ZC3H3: variants seen among roughly 807,000 people sequenced by gnomAD.
ZC3H3 encodes the protein zinc finger CCCH domain-containing protein 3.
Under a neutral mutation model 77.3 loss-of-function variants are expected in ZC3H3, and 36 were observed. The observed-to-expected ratio is 0.47, with a 90% CI of 0.36 to 0.61. ZC3H3 has a LOEUF of 0.61. Among genes scored for constraint, ZC3H3 ranks in the 20% least tolerant of loss-of-function variants. The pLI is 0.00. For missense variants in ZC3H3, 1,331 were observed against 1,312.2 expected, an observed-to-expected ratio of 1.01 and a Z score of -0.22; for synonymous variants, 626 against 555.2, an observed-to-expected ratio of 1.13 and a Z score of -1.79.
At chr8:143,447,762 CAG>C (rs1819896000) in intron 9 of ZC3H3, among the ~76,000 whole-genome samples, 1 of 152,132 alleles carries the variant, frequency 6.6e-6, no homozygotes, top group Non-Finnish European at 1.5e-5. Flanking sequence ...GCAGATGCTA[CAG>C]ACTTTTAACT....
chr8:143,473,964 A>G (rs1337942644), intron 5 of ZC3H3, among the ~76,000 whole-genome samples: 1 of 152,112 alleles, frequency 6.6e-6, no homozygotes, highest in Non-Finnish European at 1.5e-5. Flanking sequence ...CCCACAGGCC[A>G]CCAAGCTCCA....
intron 5 of ZC3H3, among the ~76,000 whole-genome samples, chr8:143,474,942 G>A (rs1268941733): frequency 3.9e-5 from 6 of 152,204 alleles, no homozygotes; most frequent in Non-Finnish European, 7.4e-5. Context: ...GCGCTCGCCC[G>A]GGCGTGTTTG....
intron 5 of ZC3H3, among the ~76,000 whole-genome samples, chr8:143,469,604 C>T (rs1339725632): frequency 1.3e-5 from 2 of 152,296 alleles, no homozygotes; most frequent in Middle Eastern, 3.4e-3. Context: ...CCTGGGAGTG[C>T]GGTGGTGGCA....
At chr8:143,495,025 G>A (rs1821308778) in intron 4 of ZC3H3, among the ~76,000 whole-genome samples, 1 of 152,294 alleles carries the variant, frequency 6.6e-6, no homozygotes, top group South Asian at 2.1e-4. Context: ...CGGCACGCTG[G>A]AAAGCAGTTT....
Position 143,533,368 on chromosome 8 carries a change from G to C in ZC3H3, c.1561+2889C>G, listed in dbSNP as rs972772388. The stretch of plus-strand genomic sequence containing the variant: ...CCTCCTCAGAGAAGCCCTCCCACTC[G>C]CCAACCACCTCTCTGCAGCTGGCCC... On this transcript the variant is annotated intron_variant, in intron 3 of 11. Transcript: ENST00000262577. This position sits in a 1 kb window ranked among gnomAD's most constrained non-coding sequence, Gnocchi z 4.0. 1.3e-5 allele frequency among the ~76,000 whole-genome samples: 2 copies of C among 151,954 alleles called. No individual in the cohort carries two copies. Among genetic ancestry groups the C allele is most frequent in the African/African-American group, 2.4e-5 (1 of 41,374 alleles).
At chr8:143,438,710 C>G (rs1212759416) in intron 11 of ZC3H3, among the ~76,000 whole-genome samples, 1 of 152,228 alleles carries the variant, frequency 6.6e-6, no homozygotes, top group Non-Finnish European at 1.5e-5. Context: ...CAGATCTCCC[C>G]TCCAGACCAC....
At chr8:143,448,810 C>A (rs1363340975) in intron 9 of ZC3H3, among the ~76,000 whole-genome samples, 1 of 152,258 alleles carries the variant, frequency 6.6e-6, no homozygotes. Flanking sequence ...AGCAGAAGTT[C>A]TCTATGAGGG....
At position 143,536,254 on chromosome 8, in the gene ZC3H3, T is replaced by G; in HGVS notation, c.1561+3A>C. ...GTGCCCAGCGCCCCTGCTCCCAGCA[T>G]ACCTTCCTTGGTGGGGAGGTGGGCC... On this transcript the variant is annotated splice_donor_region_variant and intron_variant, in intron 3 of 11. Coordinates refer to ENST00000262577, the MANE Select transcript of ZC3H3 (RefSeq NM_015117.3). The G allele has an allele frequency of 6.2e-7, 1 of 1,609,756 alleles. No homozygotes were observed. The highest frequency in any genetic ancestry group is 8.5e-7 in the Non-Finnish European group (1 of 1,179,292).
intron 4 of ZC3H3, among the ~76,000 whole-genome samples, chr8:143,504,202 C>T (rs112150918): frequency 0.018 from 2,681 of 152,314 alleles, 84 homozygotes; most frequent in African/African-American, 0.061. Context: ...GGCTCTCCAA[C>T]CGAAAGCTGA....
At chr8:143,518,715 A>ACG (rs1822142758) in intron 3 of ZC3H3, among the ~76,000 whole-genome samples, 1 of 152,188 alleles carries the variant, frequency 6.6e-6, no homozygotes, top group African/African-American at 2.4e-5. Flanking sequence ...TGGAGATGGC[A>ACG]CGTGGGAGCC....
At chr8:143,472,301 A>G (rs1820589430) in intron 5 of ZC3H3, among the ~76,000 whole-genome samples, 1 of 152,252 alleles carries the variant, frequency 6.6e-6, no homozygotes, top group South Asian at 2.1e-4. Context: ...CAACGGAGGC[A>G]GAGGCCAGTC....
intron 5 of ZC3H3, among the ~76,000 whole-genome samples, chr8:143,471,295 C>T (rs11136296): frequency 0.23 from 35,640 of 152,252 alleles, 4,656 homozygotes; most frequent in East Asian, 0.43. Context: ...AGAAGGCAGC[C>T]AGCGGCAGAG....
intron 4 of ZC3H3, among the ~76,000 whole-genome samples, chr8:143,483,620 G>A (rs532074562): frequency 3.3e-5 from 5 of 152,306 alleles, no homozygotes; most frequent in Non-Finnish European, 5.9e-5. Flanking sequence ...CTGCCCCCAC[G>A]ATCTCAGGGG....
intron 9 of ZC3H3, among the ~76,000 whole-genome samples, chr8:143,446,238 G>A (rs1470819133): frequency 6.6e-6 from 1 of 152,222 alleles, no homozygotes; most frequent in Non-Finnish European, 1.5e-5. Context: ...AGAGGCAACT[G>A]AGCACAATCT....
chr8:143,439,518 G>A (rs1337692272), intron 11 of ZC3H3, among the ~76,000 whole-genome samples: 4 of 152,216 alleles, frequency 2.6e-5, no homozygotes, highest in Non-Finnish European at 5.9e-5. Context: ...GCTGAGTGGA[G>A]CCATTTACCA....
At chr8:143,482,762 A>G (rs1197031499) in intron 4 of ZC3H3, among the ~76,000 whole-genome samples, 1 of 152,206 alleles carries the variant, frequency 6.6e-6, no homozygotes, top group Non-Finnish European at 1.5e-5. Context: ...CAAGGCTGCT[A>G]CGGACGTGAC....
At chr8:143,532,070 G>A (rs1411193304) in intron 3 of ZC3H3, among the ~76,000 whole-genome samples, 1 of 152,232 alleles carries the variant, frequency 6.6e-6, no homozygotes, top group Non-Finnish European at 1.5e-5. Context: ...TAGCCTTTTG[G>A]TTATTTAAAA....
At chr8:143,451,529 C>T (rs371427626) in intron 9 of ZC3H3, among the ~76,000 whole-genome samples, 1 of 152,000 alleles carries the variant, frequency 6.6e-6, no homozygotes. Flanking sequence ...AGAAGTAGGC[C>T]GGGCACGGTG....
chr8:143,438,411 T>C (rs761993746), intron 11 of ZC3H3, among the ~76,000 whole-genome samples: 48 of 152,132 alleles, frequency 3.2e-4, no homozygotes, highest in Non-Finnish European at 4.4e-4. Flanking sequence ...GGCCACAAGG[T>C]CTGCAGGGTG....
Sources: gnomAD v4.1 joint callset for allele counts (sites outside exome capture counted in the v4.1 genomes callset) on GRCh38, gnomAD v4.1.1 for gene constraint, Gnocchi (gnomAD v3.1) non-coding constraint, MANE v1.5 for transcripts, NCBI Gene and HGNC (gene_info 2026-07-23, HGNC 2026-07-21) for gene names.